The following PDE8B variants were observed in gnomAD, a reference collection of about 807,000 sequenced individuals.
PDE8B encodes high affinity cAMP-specific and IBMX-insensitive 3',5'-cyclic phosphodiesterase 8B.
Under a neutral mutation model 101.3 loss-of-function variants are expected in PDE8B, and 26 were observed. The ratio of observed to expected loss-of-function variants is 0.26; its 90% CI spans 0.19 to 0.36. The LOEUF (loss-of-function observed/expected upper bound fraction) is 0.36, where lower values mean the gene tolerates loss of function less well. Among genes scored for constraint, PDE8B ranks in the 10% least tolerant of loss-of-function variants. The pLI is 1.00. For synonymous variants in PDE8B, 424 were observed against 429.3 expected (o/e 0.99, Z 0.15); for missense variants, 810 against 1,163.1 (o/e 0.70, Z 4.42).
chr5:77,259,750 G>A (rs1580639409), intron 1 of PDE8B, among the ~76,000 whole-genome samples: 1 of 152,196 alleles, frequency 6.6e-6, no homozygotes, highest in Non-Finnish European at 1.5e-5. Flanking sequence ...GGTGGTGGGG[G>A]TATGTTTCCC....
intron 1 of PDE8B, among the ~76,000 whole-genome samples, chr5:77,230,271 G>A (rs1309838301): frequency 6.6e-6 from 1 of 151,966 alleles, no homozygotes; most frequent in Non-Finnish European, 1.5e-5. Context: ...TAGATCCAGG[G>A]GCCTTCAGAA....
At chr5:77,275,524 A>G (rs1763686235) in intron 1 of PDE8B, among the ~76,000 whole-genome samples, 1 of 152,240 alleles carries the variant, frequency 6.6e-6, no homozygotes, top group Non-Finnish European at 1.5e-5. Context: ...AGCAAAGTGT[A>G]GACAAGGCTA....
chr5:77,370,463 T>G (rs1784890933), intron 10 of PDE8B, among the ~76,000 whole-genome samples: 1 of 152,214 alleles, frequency 6.6e-6, no homozygotes, highest in Non-Finnish European at 1.5e-5. Context: ...GTTTTTGAGA[T>G]GTATTTATGG....
chr5:77,127,098 A>G, the PDE8B span, among the ~76,000 whole-genome samples: 1 of 152,166 alleles, frequency 6.6e-6, no homozygotes, highest in Non-Finnish European at 1.5e-5. Flanking sequence ...ACCCTAGTGC[A>G]ACATCCTCAA....
In PDE8B at chr5:77,411,980, TA is replaced by T. The variant is rs1217204418; in HGVS notation, c.1577-118del. 3.9e-6 allele frequency: 4 copies of T among 1,017,022 alleles called. No homozygotes were observed. The Admixed American group carries it at 5.2e-5, about 13-fold the overall frequency. The allele number at this position is 1,017,022 out of a possible 1,614,324, so 63.0% of individuals were successfully genotyped here. ...TCTATTTGAGGGTCTTGAAGTTCAATAACAGAAAAATCAGGTACAAGACTTT... is the reference window on the plus strand; with the variant it reads ...TCTATTTGAGGGTCTTGAAGTTCAATACAGAAAAATCAGGTACAAGACTTT... On this transcript the variant is annotated intron_variant, in intron 15 of 21. Transcript: ENST00000264917.
chr5:77,315,405 A>G (rs1287721908), intron 2 of PDE8B, among the ~76,000 whole-genome samples: 3 of 152,126 alleles, frequency 2.0e-5, no homozygotes, highest in Non-Finnish European at 4.4e-5. Flanking sequence ...TCCACTTATT[A>G]CAAAGACTAT....
At chr5:77,228,651 T>G (rs944415064) in intron 1 of PDE8B, among the ~76,000 whole-genome samples, 1 of 152,156 alleles carries the variant, frequency 6.6e-6, no homozygotes, top group Admixed American at 6.5e-5. Flanking sequence ...GTTTTCTGTG[T>G]AAACCATGTG....
chr5:77,097,841 C>G, the PDE8B span, among the ~76,000 whole-genome samples: 493 of 148,050 alleles, frequency 3.3e-3, 3 homozygotes, highest in Non-Finnish European at 5.3e-3. Context: ...TACTACAGCA[C>G]ACCAAGGGTT....
chr5:77,090,174 G>T, the PDE8B span, among the ~76,000 whole-genome samples: 1 of 152,230 alleles, frequency 6.6e-6, no homozygotes, highest in Non-Finnish European at 1.5e-5. Flanking sequence ...AAACAGATAA[G>T]ATGGAATAAG....
At chr5:77,227,669 G>T (rs1025078896) in intron 1 of PDE8B, among the ~76,000 whole-genome samples, 2 of 152,158 alleles carry the variant, frequency 1.3e-5, no homozygotes, top group Non-Finnish European at 2.9e-5. Flanking sequence ...TGTGAGCCAC[G>T]CAGAATGGAA....
At chr5:77,269,610 C>T (rs1346114403) in intron 1 of PDE8B, among the ~76,000 whole-genome samples, 2 of 152,078 alleles carry the variant, frequency 1.3e-5, no homozygotes, top group Non-Finnish European at 2.9e-5. Context: ...AGTTTGAGGT[C>T]TTAGATTTAA....
chr5:77,348,905 C>T (rs896148489), intron 7 of PDE8B, among the ~76,000 whole-genome samples: 1 of 152,162 alleles, frequency 6.6e-6, no homozygotes, highest in Non-Finnish European at 1.5e-5. Flanking sequence ...TGGTCTTGAA[C>T]TCTTGGGCCC....
At chr5:77,332,808 G>A (rs1777388173) in intron 5 of PDE8B, among the ~76,000 whole-genome samples, 1 of 146,850 alleles carries the variant, frequency 6.8e-6, no homozygotes, top group Admixed American at 6.9e-5. Flanking sequence ...TTGCACTCCA[G>A]CCTGGACAAG....
chr5:77,182,869 CTTTAGCTTTTTAA>C, the PDE8B span, among the ~76,000 whole-genome samples: 3 of 150,618 alleles, frequency 2.0e-5, no homozygotes, highest in East Asian at 5.8e-4. Context: ...TAACACTGCT[CTTTAGCTTTTTAA>C]TTTAGCTTTA....
At chr5:77,337,177 C>G in intron 5 of PDE8B, 50 bp from the exon 6 acceptor site, 1 of 1,014,896 alleles carries the variant, frequency 9.9e-7, no homozygotes, top group Non-Finnish European at 1.5e-6. Flanking sequence ...ATTTGACTCT[C>G]TAAGAAGTAA....
intron 10 of PDE8B, among the ~76,000 whole-genome samples, chr5:77,392,234 G>A (rs1790091287): frequency 6.6e-6 from 1 of 152,204 alleles, no homozygotes. Flanking sequence ...CCTTTTACCT[G>A]TATCTGTCAT....
chr5:77,129,892 C>T, the PDE8B span, among the ~76,000 whole-genome samples: 7 of 151,966 alleles, frequency 4.6e-5, no homozygotes, highest in African/African-American at 1.7e-4. Context: ...TTCTGGGAAG[C>T]CAGAAAAAAA....
At chr5:77,206,553 T>G (rs1253186393), upstream of PDE8B, among the ~76,000 whole-genome samples, 3 of 152,198 alleles carry the variant, frequency 2.0e-5, no homozygotes, top group Non-Finnish European at 1.5e-5. Flanking sequence ...AGGGAACAGC[T>G]ACTGGCTAAC....
intron 2 of PDE8B, 50 bp downstream of exon 2, chr5:77,312,103 T>TC: frequency 1.6e-6 from 2 of 1,281,928 alleles, no homozygotes; most frequent in East Asian, 2.5e-5. Flanking sequence ...TCTTTTTTTT[T>TC]TCTTTTTTTT....
Sources: allele counts gnomAD v4.1 joint callset (sites outside exome capture counted in the v4.1 genomes callset), GRCh38; gene constraint gnomAD v4.1.1; transcripts MANE v1.5; gene names NCBI Gene and HGNC (gene_info 2026-07-23, HGNC 2026-07-21).